Variants in KLRG1 observed in about 807,000 individuals in gnomAD.
The protein encoded by KLRG1 is killer cell lectin like receptor G1.
A neutral mutation model predicts 21.8 loss-of-function variants in KLRG1; 16 were observed. The observed-to-expected ratio is 0.73, with a 90% CI of 0.50 to 1.11. The LOEUF is 1.11. KLRG1 is among the 50% of genes most tolerant of loss of function. The pLI is 0.00. For synonymous variants in KLRG1, 69 were observed against 75.9 expected, an observed-to-expected ratio of 0.91 and a Z score of 0.47; for missense variants, 173 against 218.3, an observed-to-expected ratio of 0.79 and a Z score of 1.31.
At chr12:9,029,315 A>T in the KLRG1 span, among the ~76,000 whole-genome samples, 1 of 151,820 alleles carries the variant, frequency 6.6e-6, no homozygotes, top group Non-Finnish European at 1.5e-5. Flanking sequence ...TCCTGGATTC[A>T]AGTGATTCTC....
the KLRG1 span, among the ~76,000 whole-genome samples, chr12:9,022,894 G>A: frequency 6.6e-6 from 1 of 152,192 alleles, no homozygotes; most frequent in Non-Finnish European, 1.5e-5. Context: ...TGAACAGGTG[G>A]TGGTTTCTTG....
downstream of KLRG1, among the ~76,000 whole-genome samples, chr12:9,014,431 C>CA (rs1215590596): frequency 1.3e-5 from 2 of 152,200 alleles, no homozygotes; most frequent in Admixed American, 6.5e-5. Flanking sequence ...GGAAACCTTA[C>CA]AGGTCAGGAG....
At chr12:9,201,479 T>C in the KLRG1 span, 1 of 649,880 alleles carries the variant, frequency 1.5e-6, no homozygotes. Flanking sequence ...ATAACAGAAC[T>C]GGAAAAATCT....
At chr12:9,137,209 G>T in the KLRG1 span, among the ~76,000 whole-genome samples, 2 of 152,002 alleles carry the variant, frequency 1.3e-5, no homozygotes, top group South Asian at 4.2e-4. Flanking sequence ...TCTTGTGTAT[G>T]GTGTAAGATA....
chr12:9,031,664 G>A, the KLRG1 span, among the ~76,000 whole-genome samples: 1 of 152,224 alleles, frequency 6.6e-6, no homozygotes, highest in Admixed American at 6.5e-5. Flanking sequence ...CTGGGAACAT[G>A]TGCCCAAGGT....
the KLRG1 span, chr12:9,149,581 T>C: frequency 6.2e-7 from 1 of 1,613,100 alleles, no homozygotes; most frequent in African/African-American, 1.3e-5. Flanking sequence ...GGGGGCGATA[T>C]ACTCAGCAAC....
the KLRG1 span, among the ~76,000 whole-genome samples, chr12:9,125,555 A>G: frequency 6.6e-6 from 1 of 152,208 alleles, no homozygotes; most frequent in South Asian, 2.1e-4. Context: ...TTTTCAATTG[A>G]CGAAAAATTA....
At chr12:8,988,899 A>T (rs996257712), upstream of KLRG1, among the ~76,000 whole-genome samples, 1 of 152,144 alleles carries the variant, frequency 6.6e-6, no homozygotes, top group African/African-American at 2.4e-5. Context: ...ACTTTTTATT[A>T]ACTTTTCACC....
chr12:9,052,992 T>A, the KLRG1 span: 2 of 354,878 alleles, frequency 5.6e-6, no homozygotes, highest in Non-Finnish European at 5.4e-6. Context: ...TCCAATAAGA[T>A]TGTTCCTGTT....
the KLRG1 span, among the ~76,000 whole-genome samples, chr12:9,018,372 A>G: frequency 6.6e-6 from 1 of 152,190 alleles, no homozygotes; most frequent in Non-Finnish European, 1.5e-5. Flanking sequence ...CTGATTTCAA[A>G]TTATATTACA....
chr12:9,124,224 A>G, the KLRG1 span, among the ~76,000 whole-genome samples: 1 of 151,724 alleles, frequency 6.6e-6, no homozygotes, highest in Admixed American at 6.5e-5. Flanking sequence ...CCACTTGCCA[A>G]AGATGGGATA....
At chr12:9,182,820 A>T in the KLRG1 span, among the ~76,000 whole-genome samples, 16,816 of 152,262 alleles carry the variant, frequency 0.11, 1,032 homozygotes, top group African/African-American at 0.17. Context: ...AACGGTAATT[A>T]TAAAACCACG....
the KLRG1 span, chr12:9,027,900 T>G: frequency 2.3e-6 from 2 of 883,244 alleles, no homozygotes; most frequent in Non-Finnish European, 3.8e-6. Flanking sequence ...TCCAGAACCA[T>G]TTCGACCTCT....
At chr12:8,973,059 G>A (rs957473475) in intron 1 of KLRG1, among the ~76,000 whole-genome samples, 8 of 151,404 alleles carry the variant, frequency 5.3e-5, no homozygotes, top group Non-Finnish European at 7.4e-5. Flanking sequence ...TTTGGGAGGC[G>A]GAGGCAGGAG....
chr12:9,012,683 A>G (rs1947648550), downstream of KLRG1, among the ~76,000 whole-genome samples: 1 of 151,978 alleles, frequency 6.6e-6, no homozygotes, highest in Admixed American at 6.6e-5. Flanking sequence ...GCTTGGCTAC[A>G]GTGGGGTAGA....
chr12:9,120,005 T>C, the KLRG1 span, among the ~76,000 whole-genome samples: 1 of 152,204 alleles, frequency 6.6e-6, no homozygotes, highest in African/African-American at 2.4e-5. Flanking sequence ...GAGCCTCAGC[T>C]TTCATGCCAA....
chr12:9,199,925 G>A, the KLRG1 span, among the ~76,000 whole-genome samples: 25 of 152,270 alleles, frequency 1.6e-4, no homozygotes, highest in Admixed American at 8.5e-4. Flanking sequence ...ACCAATGTGC[G>A]AACACCCAGC....
At chr12:9,072,325 C>G in the KLRG1 span, 1 of 1,608,226 alleles carries the variant, frequency 6.2e-7, no homozygotes, top group South Asian at 1.1e-5. Context: ...GGTGGTTATT[C>G]TTAGGATTAG....
chr12:8,970,524 C>T (rs1946549947), intron 1 of KLRG1: 1 of 152,248 alleles, frequency 6.6e-6, no homozygotes, highest in Admixed American at 6.5e-5. Context: ...GATGGCTTCA[C>T]TGGTAAATTC....
Sources: allele counts gnomAD v4.1 joint callset (sites outside exome capture counted in the v4.1 genomes callset), GRCh38; gene constraint gnomAD v4.1.1; transcripts MANE v1.5; gene names NCBI Gene and HGNC (gene_info 2026-07-23, HGNC 2026-07-21).